Variants in NEURL1B observed in about 807,000 individuals in gnomAD.
NEURL1B encodes the protein neuralized E3 ubiquitin protein ligase 1B.
In NEURL1B, 13 loss-of-function variants were observed where a neutral mutation model predicts 37.4. The ratio of observed to expected loss-of-function variants is 0.35; its 90% CI spans 0.23 to 0.55. The LOEUF (loss-of-function observed/expected upper bound fraction) is 0.55. Ranked by LOEUF, NEURL1B falls within the 20% of genes least tolerant of loss-of-function variation. The probability of loss-of-function intolerance (pLI) is 0.89; values close to 1 mark genes in which losing one functional copy is unlikely to be tolerated. For synonymous variants in NEURL1B, 432 were observed against 426.6 expected (o/e 1.01, Z -0.16); for missense variants, 790 against 879.2 (o/e 0.90, Z 1.28).
intron 1 of NEURL1B, among the ~76,000 whole-genome samples, chr5:172,658,804 G>A (rs1333700506): frequency 1.3e-5 from 2 of 152,130 alleles, no homozygotes; most frequent in African/African-American, 4.8e-5. Context: ...TCCTATGGGT[G>A]GGGGGCCATT....
chr5:172,654,978 C>G (rs900573495), intron 1 of NEURL1B, among the ~76,000 whole-genome samples: 3 of 152,028 alleles, frequency 2.0e-5, no homozygotes, highest in Non-Finnish European at 4.4e-5. Flanking sequence ...CCCTCTTTGT[C>G]TTTCTGTCTC....
At chr5:172,684,961 T>A (rs868008738) in intron 3 of NEURL1B, among the ~76,000 whole-genome samples, 1 of 152,238 alleles carries the variant, frequency 6.6e-6, no homozygotes, top group African/African-American at 2.4e-5. Flanking sequence ...ACAGCTCATA[T>A]GTTCCCTCAT....
intron 2 of NEURL1B, among the ~76,000 whole-genome samples, chr5:172,679,968 G>A (rs1407265258): frequency 6.6e-6 from 1 of 152,128 alleles, no homozygotes; most frequent in Non-Finnish European, 1.5e-5. Context: ...GGCTCTTGGT[G>A]GCACTTGGCC....
rs117492871 is a variant in NEURL1B, at chr5:172,680,315, T to A, written c.578-3104T>A. Among the ~76,000 whole-genome samples the A allele has an allele frequency of 6.1e-4, 93 of 152,170 alleles. No homozygotes were observed. In the East Asian group the frequency reaches 0.013, roughly 21 times the overall value. On this transcript the variant is annotated intron_variant, in intron 2 of 4. Transcript: ENST00000369800. ...AGCCAGTAAAAGCCAAAGCCAGGACTTGAATCTAAGTCCGCCTGTCTCCAT... is the reference window on the plus strand; with the variant it reads ...AGCCAGTAAAAGCCAAAGCCAGGACATGAATCTAAGTCCGCCTGTCTCCAT...
rs115422935 is a variant in NEURL1B at position 172,659,115 on chromosome 5, C to G, written c.32-10670C>G. ...CTGTGCCAGAAGGTGGATTAAGCTACTTATACGTAGTCTAGCTTTTTTCTT... is the reference window on the plus strand; with the variant it reads ...CTGTGCCAGAAGGTGGATTAAGCTAGTTATACGTAGTCTAGCTTTTTTCTT... On this transcript the variant is annotated intron_variant, in intron 1 of 4. Transcript: ENST00000369800. 7.4e-3 allele frequency among the ~76,000 whole-genome samples: 1,084 copies of G among 145,828 alleles called. 12 individuals carry two copies. The highest frequency in any genetic ancestry group is 0.026 in the African/African-American group (1,025 of 39,648).
Position 172,676,483 on chromosome 5 carries a change from C to T in NEURL1B, c.577+6153C>T, listed in dbSNP as rs149605651. Among the ~76,000 whole-genome samples the T allele has an allele frequency of 9.4e-4, 143 of 152,330 alleles. No individual in the cohort carries two copies. The highest frequency in any genetic ancestry group is 3.2e-3 in the African/African-American group (134 of 41,574). ...CTGGGTCACATGCCTATCCTTGAAC[C>T]CATCTCCATGGCCAGGGGCATAGGA... On this transcript the variant is annotated intron_variant, in intron 2 of 4. Transcript: ENST00000369800. This position sits in a 1 kb window ranked among gnomAD's most constrained non-coding sequence, Gnocchi z 4.5.
intron 2 of NEURL1B, among the ~76,000 whole-genome samples, chr5:172,681,068 A>C (rs1247357499): frequency 6.6e-6 from 1 of 152,218 alleles, no homozygotes; most frequent in Non-Finnish European, 1.5e-5. Flanking sequence ...CCAGAGAGGG[A>C]GGAAGAGTGT....
At chr5:172,684,186 C>T (rs946777669) in intron 3 of NEURL1B, 48 bp downstream of exon 3, 4 of 1,191,950 alleles carry the variant, frequency 3.4e-6, no homozygotes, top group South Asian at 3.9e-5. Flanking sequence ...TCCCCCGTCC[C>T]GTGCCGTCTC....
In NEURL1B at chr5:172,670,350, C is replaced by T. The variant is rs6556037; in HGVS notation, c.577+20C>T. ...TTCTGGGTAGGTCGCGGGCGCGGCGCCCCCTGGGGACCTGGCAGCGGTGCC... is the reference window on the plus strand; with the variant it reads ...TTCTGGGTAGGTCGCGGGCGCGGCGTCCCCTGGGGACCTGGCAGCGGTGCC... On this transcript the variant is annotated intron_variant, in intron 2 of 4. Transcript: ENST00000369800. 249,150 of 1,340,176 alleles carry T rather than the reference C, an allele frequency of 0.19. 28,263 individuals carry two copies. Among genetic ancestry groups the T allele is most frequent in the African/African-American group, 0.55 (35,863 of 64,978 alleles). The allele number at this position is 1,340,176 out of a possible 1,614,324, so 83.0% of individuals were successfully genotyped here.
rs768527288 is a variant in NEURL1B, at chr5:172,686,248, A to G, written c.1375A>G (p.Met459Val). ...CTCCCAGGACGATAGTGATTCAGAT[A>G]TGACCTTCAGTGTCAACCAGTCCTC... ...SGSQDDSDSD[M>V]TFSVNQSSSA... The change falls in exon 4 of 5, where the codon ATG becomes GTG. Residue 459 changes from methionine to valine, a missense_variant. Coordinates refer to ENST00000369800, the MANE Select transcript of NEURL1B (RefSeq NM_001142651.3). This position sits in a 1 kb window ranked among gnomAD's most constrained non-coding sequence, Gnocchi z 7.9. 1.3e-6 allele frequency: 2 copies of G among 1,551,676 alleles called. No individual in the cohort carries two copies. Among genetic ancestry groups the G allele is most frequent in the South Asian group, 1.2e-5 (1 of 84,064 alleles).
In NEURL1B at chr5:172,641,392, G is replaced by A. The variant is rs1461342577; in HGVS notation, c.-15G>A. ...CCCAGAGCGCGCCGCCGCCAACGCCGCGCCCGACGCAGCGATGGGCAACAC... is the reference window on the plus strand; with the variant it reads ...CCCAGAGCGCGCCGCCGCCAACGCCACGCCCGACGCAGCGATGGGCAACAC... On this transcript the variant is annotated 5_prime_UTR_variant, in exon 1 of 5. Transcript: ENST00000369800. This position sits in a 1 kb window ranked among gnomAD's most constrained non-coding sequence, Gnocchi z 6.4. 1 of 1,381,412 alleles carries A rather than the reference G, an allele frequency of 7.2e-7. No homozygotes were observed. Among genetic ancestry groups the A allele is most frequent in the Non-Finnish European group, 9.4e-7 (1 of 1,068,774 alleles). The allele number at this position is 1,381,412 out of a possible 1,614,324, so 85.6% of individuals were successfully genotyped here.
At chr5:172,679,830 G>A (rs1758311608) in intron 2 of NEURL1B, among the ~76,000 whole-genome samples, 1 of 152,190 alleles carries the variant, frequency 6.6e-6, no homozygotes, top group African/African-American at 2.4e-5. Flanking sequence ...TGATCAGTCA[G>A]GGAGGCCTTT....
In NEURL1B at chr5:172,649,309, C is replaced by T. The variant is rs866263584; in HGVS notation, c.31+7872C>T. On this transcript the variant is annotated intron_variant, in intron 1 of 4. Coordinates refer to ENST00000369800, the MANE Select transcript of NEURL1B (RefSeq NM_001142651.3). ...GGGTCTTCCAGGGAATGCCTTCCAG[C>T]GCCCATCTGCCGAACTCCTGCAAAG... Among the ~76,000 whole-genome samples the T allele has an allele frequency of 2.0e-5, 3 of 150,000 alleles. No homozygotes were observed. The South Asian group carries it at 6.4e-4, about 32-fold the overall frequency.
chr5:172,674,338 C>T (rs879510222), intron 2 of NEURL1B, among the ~76,000 whole-genome samples: 16 of 152,082 alleles, frequency 1.1e-4, no homozygotes, highest in East Asian at 5.8e-4. Context: ...TTGAGCCCAG[C>T]CCAGTATCCT....
rs922667726 is a variant in NEURL1B at position 172,663,788 on chromosome 5, G to A, written c.32-5997G>A. On this transcript the variant is annotated intron_variant, in intron 1 of 4. Transcript: ENST00000369800. ...TGGCCCAGGGGATTTAGTCGCTGGC[G>A]TGGTTTGGGGACCTCTTCCTGGCAA... 3.8e-4 allele frequency among the ~76,000 whole-genome samples: 53 copies of A among 137,770 alleles called. 2 individuals carry two copies. The East Asian group carries it at 6.6e-3, about 17-fold the overall frequency. The allele number at this position is 137,770 out of a possible 152,430, so 90.4% of individuals were successfully genotyped here.
intron 1 of NEURL1B, among the ~76,000 whole-genome samples, chr5:172,664,764 A>G (rs576010326): frequency 2.6e-5 from 4 of 152,312 alleles, no homozygotes; most frequent in African/African-American, 7.2e-5. Flanking sequence ...TGTAAATAAC[A>G]CATCCTCTTA....
chr5:172,670,480 C>T (rs919679877), intron 2 of NEURL1B, 150 bp downstream of exon 2: 6 of 558,308 alleles, frequency 1.1e-5, no homozygotes, highest in Middle Eastern at 5.1e-4. Context: ...TAATTTATTT[C>T]TCACAACAAC....
At chr5:172,644,465 A>C (rs532002545) in intron 1 of NEURL1B, among the ~76,000 whole-genome samples, 1 of 151,934 alleles carries the variant, frequency 6.6e-6, no homozygotes, top group East Asian at 1.9e-4. Context: ...ATGCTACACT[A>C]TACAATAAGG....
chr5:172,645,021 G>A (rs1757534275), intron 1 of NEURL1B, among the ~76,000 whole-genome samples: 1 of 151,328 alleles, frequency 6.6e-6, no homozygotes, highest in African/African-American at 2.5e-5. Context: ...CATTAAGTTG[G>A]CCCACGCTTG....
Sources: gnomAD v4.1 joint callset for allele counts (sites outside exome capture counted in the v4.1 genomes callset) on GRCh38, gnomAD v4.1.1 for gene constraint, Gnocchi (gnomAD v3.1) non-coding constraint, MANE v1.5 for transcripts, NCBI Gene and HGNC (gene_info 2026-07-23, HGNC 2026-07-21) for gene names.